Variants in ITPR3 observed in about 807,000 individuals in gnomAD.
ITPR3 encodes inositol 1,4,5-trisphosphate-gated calcium channel ITPR3.
A neutral mutation model predicts 293.2 loss-of-function variants in ITPR3; 173 were observed. The ratio of observed to expected loss-of-function variants is 0.59; its 90% CI spans 0.52 to 0.67. ITPR3 has a LOEUF of 0.67. Among genes scored for constraint, ITPR3 ranks in the 30% least tolerant of loss-of-function variants. The probability of loss-of-function intolerance (pLI) is 0.00; values close to 1 mark genes in which losing one functional copy is unlikely to be tolerated. For synonymous variants in ITPR3, 1,295 were observed against 1,444.4 expected (o/e 0.90, Z 2.35); for missense variants, 2,796 against 3,592.1 (o/e 0.78, Z 5.66).
Position 33,695,064 on chromosome 6 carries a change from G to A in ITPR3, c.7926G>A (p.Gln2642=), listed in dbSNP as rs536513694. 2 of 1,613,912 alleles carry A rather than the reference G, an allele frequency of 1.2e-6. No individual in the cohort carries two copies. The highest frequency in any genetic ancestry group is 1.3e-5 in the African/African-American group (1 of 75,034). Residue 2642 remains glutamine (Q), a synonymous_variant, in exon 57 of 58, where the codon CAG becomes CAA. Transcript: ENST00000605930. ...AGCTGGTGTCCCACCTCACTGCCCA[G>A]CTCAACGAGCTCAAGGAGCAGGTGT... is the stretch of plus-strand genomic sequence containing the variant. ...TMKLVSHLTA[Q]LNELKEQMTE...
At chr6:33,689,557 G>T in intron 50 of ITPR3, 147 bp downstream of exon 50, 1 of 870,664 alleles carries the variant, frequency 1.1e-6, no homozygotes, top group Non-Finnish European at 1.7e-6. Context: ...TAGACCGGTG[G>T]CAGGGACTGT....
intron 2 of ITPR3, among the ~76,000 whole-genome samples, chr6:33,648,106 T>A (rs568080355): frequency 8.8e-4 from 132 of 150,126 alleles, no homozygotes; most frequent in African/African-American, 3.1e-3. Context: ...TGCTCTGTCA[T>A]CCAGGCTGGA....
In ITPR3 at chr6:33,687,535, G is replaced by A. The variant is rs1335032019; in HGVS notation, c.6235G>A (p.Glu2079Lys). The A allele has an allele frequency of 1.9e-6, 3 of 1,612,642 alleles. No homozygotes were observed. The highest frequency in any genetic ancestry group is 2.5e-6 in the Non-Finnish European group (3 of 1,179,626). ...HLLKPVKRIQ[E>K]EEAEGISSML... ...GCTGAAGCCGGTGAAGCGCATTCAAGAGGAGGAGGCCGAGGGTATCTCTTC... is the reference window on the plus strand; with the variant it reads ...GCTGAAGCCGGTGAAGCGCATTCAAAAGGAGGAGGCCGAGGGTATCTCTTC... The change falls in exon 46 of 58, where the codon GAG becomes AAG. Residue 2079 changes from glutamate (E) to lysine (K), a missense_variant. This residue lies in a region of ITPR3 where 704 missense variants were observed against 797.5 expected (regional missense o/e 0.88). Coordinates refer to ENST00000605930, the MANE Select transcript of ITPR3 (RefSeq NM_002224.4). The surrounding 1 kb of genome is among the most constrained non-coding windows in gnomAD (Gnocchi z 5.3).
chr6:33,682,302 C>T lies in ITPR3; in HGVS notation c.4477-222C>T, dbSNP rs1319511298. ...GGTCAGCAACATGGCTATGAGCCCA[C>T]GGCCTTGGTGAGTTACAGGGCTGCC... On this transcript the variant is annotated intron_variant, in intron 33 of 57. Transcript: ENST00000605930. This position sits in a 1 kb window ranked among gnomAD's most constrained non-coding sequence, Gnocchi z 5.4. Among the ~76,000 whole-genome samples the T allele has an allele frequency of 1.3e-5, 2 of 152,204 alleles. No homozygotes were observed. The highest frequency in any genetic ancestry group is 2.9e-5 in the Non-Finnish European group (2 of 68,036).
rs766925352 is a variant in ITPR3 at position 33,663,579 on chromosome 6, A to G, written c.1005+29A>G. On this transcript the variant is annotated intron_variant, in intron 10 of 57. Coordinates refer to ENST00000605930, the MANE Select transcript of ITPR3 (RefSeq NM_002224.4). ...AGGAGCAAAGCAGGTCTCCAGTGAG[A>G]CCATGGGCCTGCCCTGGGGGTAGGC... 8 of 1,602,810 alleles carry G rather than the reference A, an allele frequency of 5.0e-6. No homozygotes were observed. The African/African-American group carries it at 1.1e-4, about 21-fold the overall frequency.
Position 33,695,077 on chromosome 6 carries a change from A to G in ITPR3, c.7939A>G (p.Lys2647Glu), listed in dbSNP as rs1207036238. 1 of 1,613,594 alleles carries G rather than the reference A, an allele frequency of 6.2e-7. No individual in the cohort carries two copies. The highest frequency in any genetic ancestry group is 8.5e-7 in the Non-Finnish European group (1 of 1,179,976). The change falls in exon 57 of 58, where the codon AAG becomes GAG. Residue 2647 changes from lysine to glutamate, a missense_variant. By Grantham distance (56) the Lys-to-Glu change is moderately conservative. Around this residue, in one of 8 missense-constraint regions of ITPR3, gnomAD observed 568 missense variants for 796.1 expected, o/e 0.71. Transcript: ENST00000605930. ...SHLTAQLNEL[K>E]EQMTEQRKRR... The stretch of plus-strand genomic sequence containing the variant: ...CCTCACTGCCCAGCTCAACGAGCTC[A>G]AGGAGCAGGTGTGCACCCCGCCTGA...
At position 33,691,677 on chromosome 6, in the gene ITPR3, A is replaced by T. The variant is rs142286857; in HGVS notation, c.7288A>T (p.Met2430Leu). The T allele has an allele frequency of 1.1e-5, 17 of 1,613,830 alleles. No individual in the cohort carries two copies. The African/African-American group carries it at 2.0e-4, about 19-fold the overall frequency. ...AFVDTCSGDK[M>L]DCVSGLSVPE... ...TGTGGACACCTGCAGTGGGGACAAG[A>T]TGGACTGTGTCTCAGGGCTCTCGGT... Residue 2430 changes from methionine (M) to leucine (L), a missense_variant, in exon 53 of 58, where the codon ATG (methionine) becomes TTG (leucine). Coordinates refer to ENST00000605930, the MANE Select transcript of ITPR3 (RefSeq NM_002224.4). This position sits in a 1 kb window ranked among gnomAD's most constrained non-coding sequence, Gnocchi z 4.9.
In ITPR3 at chr6:33,633,363, C is replaced by T. The variant is rs1763728247; in HGVS notation, c.90-7121C>T. ...GGGGGTGAAGCGAAGCGGCCACTTA[C>T]CCCTGTAGAGCGCGGCTCTGGTTTC... On this transcript the variant is annotated intron_variant, in intron 1 of 57. Coordinates refer to ENST00000605930, the MANE Select transcript of ITPR3 (RefSeq NM_002224.4). The surrounding 1 kb of genome is among the most constrained non-coding windows in gnomAD (Gnocchi z 5.2). Among the ~76,000 whole-genome samples, 1 of 152,304 alleles carries T rather than the reference C, an allele frequency of 6.6e-6. No homozygotes were observed. The highest frequency in any genetic ancestry group is 2.1e-4 in the South Asian group (1 of 4,830).
intron 2 of ITPR3, among the ~76,000 whole-genome samples, chr6:33,647,051 G>A (rs745774469): frequency 2.6e-5 from 4 of 152,120 alleles, no homozygotes; most frequent in Non-Finnish European, 4.4e-5. Flanking sequence ...TATTAAGACA[G>A]GGTCTTGCTT....
Position 33,637,964 on chromosome 6 carries a change from A to G in ITPR3, c.90-2520A>G, listed in dbSNP as rs149958493. Among the ~76,000 whole-genome samples, 9 of 151,286 alleles carry G rather than the reference A, an allele frequency of 5.9e-5. No homozygotes were observed. The East Asian group carries it at 1.8e-3, about 30-fold the overall frequency. On this transcript the variant is annotated intron_variant, in intron 1 of 57. Transcript: ENST00000605930. Reference sequence around the variant, plus strand: ...GGCGCCTGGCCCCTTTTGGGTTTTTACAGAGGCTGCCTTACCTAGGCACGT... The same window carrying G: ...GGCGCCTGGCCCCTTTTGGGTTTTTGCAGAGGCTGCCTTACCTAGGCACGT...
At position 33,677,383 on chromosome 6, in the gene ITPR3, G is replaced by A. The variant is rs535991185; in HGVS notation, c.3523-121G>A. ...GCCTGTTGCAAGGGTCTGATTCAGC[G>A]CCTGTGACCTCCTTCCCCCTTCCTG... On this transcript the variant is annotated intron_variant, in intron 27 of 57. Transcript: ENST00000605930. 1.4e-5 allele frequency: 19 copies of A among 1,385,848 alleles called. No individual in the cohort carries two copies. In the African/African-American group the frequency reaches 2.0e-4, roughly 15 times the overall value. The allele number at this position is 1,385,848 out of a possible 1,614,324, so 85.8% of individuals were successfully genotyped here.
chr6:33,663,272 C>T (rs770608928), intron 9 of ITPR3, among the ~76,000 whole-genome samples: 12 of 152,314 alleles, frequency 7.9e-5, no homozygotes, highest in Admixed American at 3.3e-4. Context: ...GTCTGTAATG[C>T]GCACACTTGT....
At chr6:33,686,650 C>G in intron 43 of ITPR3, 131 bp downstream of exon 43, 1 of 732,980 alleles carries the variant, frequency 1.4e-6, no homozygotes, top group Non-Finnish European at 2.5e-6. Flanking sequence ...GGGGCATCAT[C>G]TGGATGCACA....
chr6:33,641,397 G>A (rs72882038), intron 2 of ITPR3, among the ~76,000 whole-genome samples: 2 of 152,126 alleles, frequency 1.3e-5, no homozygotes, highest in East Asian at 3.9e-4. Context: ...GATTGTCCTC[G>A]CGGGGGATGC....
chr6:33,685,339 T>C lies in ITPR3; in HGVS notation c.5308-20T>C. On this transcript the variant is annotated intron_variant, in intron 39 of 57. Coordinates refer to ENST00000605930, the MANE Select transcript of ITPR3 (RefSeq NM_002224.4). The stretch of plus-strand genomic sequence containing the variant: ...AGGGCCCAGTGCTGAGGTTGTTCCC[T>C]GGCCACTGTCCACCTCCAGAAATCC... 1.2e-6 allele frequency: 2 copies of C among 1,601,886 alleles called. No homozygotes were observed. Among genetic ancestry groups the C allele is most frequent in the Non-Finnish European group, 1.7e-6 (2 of 1,170,518 alleles).
rs1287234153 is a variant in ITPR3, at chr6:33,654,764, C to A, written c.161-1002C>A. Among the ~76,000 whole-genome samples the A allele has an allele frequency of 6.6e-6, 1 of 152,174 alleles. No individual in the cohort carries two copies. The highest frequency in any genetic ancestry group is 1.5e-5 in the Non-Finnish European group (1 of 68,026). ...CTGCAGCATGAGAGGGATCTCAGGG[C>A]CACTGAGTCCTGCTCCGTGCCCAGG... On this transcript the variant is annotated intron_variant, in intron 2 of 57. Coordinates refer to ENST00000605930, the MANE Select transcript of ITPR3 (RefSeq NM_002224.4). The surrounding 1 kb of genome is among the most constrained non-coding windows in gnomAD (Gnocchi z 4.1).
intron 28 of ITPR3, 74 bp downstream of exon 28, chr6:33,677,703 C>T (rs1282002407): frequency 6.4e-7 from 1 of 1,553,146 alleles, no homozygotes; most frequent in East Asian, 2.3e-5. Context: ...GTATGCTAGG[C>T]CCTAATGCAG....
chr6:33,628,848 C>T (rs186452804), intron 1 of ITPR3, among the ~76,000 whole-genome samples: 38 of 152,278 alleles, frequency 2.5e-4, no homozygotes. Context: ...TTGCTCTCCC[C>T]ATCGCTCAGC....
At position 33,682,322 on chromosome 6, in the gene ITPR3, G is replaced by A. The variant is rs929266894; in HGVS notation, c.4477-202G>A. On this transcript the variant is annotated intron_variant, in intron 33 of 57. Coordinates refer to ENST00000605930, the MANE Select transcript of ITPR3 (RefSeq NM_002224.4). The surrounding 1 kb of genome is among the most constrained non-coding windows in gnomAD (Gnocchi z 5.4). The stretch of plus-strand genomic sequence containing the variant: ...GCCCACGGCCTTGGTGAGTTACAGG[G>A]CTGCCGTGTACAGTTGGGCAGGTCG... 5.3e-5 allele frequency among the ~76,000 whole-genome samples: 8 copies of A among 152,198 alleles called. No homozygotes were observed. The highest frequency in any genetic ancestry group is 1.9e-4 in the African/African-American group (8 of 41,436).
Sources: allele counts gnomAD v4.1 joint callset (sites outside exome capture counted in the v4.1 genomes callset), GRCh38; gene constraint gnomAD v4.1.1; regional missense constraint gnomAD v4.1.1; non-coding constraint Gnocchi (gnomAD v3.1); transcripts MANE v1.5; gene names NCBI Gene and HGNC (gene_info 2026-07-23, HGNC 2026-07-21).